The following ADIPOR1 variants were observed in gnomAD, a reference collection of about 807,000 sequenced individuals.
The protein encoded by ADIPOR1 is adiponectin receptor 1, also known as adiponectin receptor protein 1.
Under a neutral mutation model 37.5 loss-of-function variants are expected in ADIPOR1, and 15 were observed. The observed-to-expected ratio is 0.40, with a 90% CI of 0.27 to 0.62. The LOEUF is 0.62. Ranked by LOEUF, ADIPOR1 falls within the 20% of genes least tolerant of loss-of-function variation. The pLI is 0.42. For missense variants in ADIPOR1, 286 were observed against 478.0 expected (o/e 0.60, Z 3.75); for synonymous variants, 173 against 173.2 (o/e 1.00, Z 0.01).
rs760402203 is a variant in ADIPOR1, at chr1:202,946,610, C to T, written c.259G>A (p.Val87Ile). The change falls in exon 4 of 8, where the codon GTC (valine) becomes ATC (isoleucine). Residue 87 changes from valine to isoleucine, a missense_variant and splice_region_variant. By Grantham distance (29) the Val-to-Ile change is conservative (BLOSUM62 3). Transcript: ENST00000340990. ...MEKMEEFVYK[V>I]WEGRWRVIPY... Reference sequence around the variant, plus strand: ...ATGACCCTCCAACGTCCCTCCCAGACCTAGAACATATACACTTTCTCTGGG... The same window carrying T: ...ATGACCCTCCAACGTCCCTCCCAGATCTAGAACATATACACTTTCTCTGGG... The T allele has an allele frequency of 1.9e-5, 31 of 1,613,860 alleles. No individual in the cohort carries two copies. Among genetic ancestry groups the T allele is most frequent in the Non-Finnish European group, 2.6e-5 (31 of 1,179,998 alleles).
intron 2 of ADIPOR1, among the ~76,000 whole-genome samples, chr1:202,950,478 G>T (rs1654527337): frequency 6.6e-6 from 1 of 152,206 alleles, no homozygotes; most frequent in African/African-American, 2.4e-5. Context: ...ATGTGGGTAT[G>T]ATGGGCACAT....
At chr1:202,956,231 T>C (rs1654778311) in intron 1 of ADIPOR1, among the ~76,000 whole-genome samples, 1 of 152,198 alleles carries the variant, frequency 6.6e-6, no homozygotes, top group African/African-American at 2.4e-5. Flanking sequence ...ACAAAGCGTC[T>C]AGATATAAAG....
At chr1:202,952,897 C>G (rs1311088462) in intron 1 of ADIPOR1, among the ~76,000 whole-genome samples, 1 of 152,210 alleles carries the variant, frequency 6.6e-6, no homozygotes, top group African/African-American at 2.4e-5. Context: ...TCATGCTATG[C>G]TCAACCCACA....
intron 1 of ADIPOR1, among the ~76,000 whole-genome samples, chr1:202,957,704 C>A (rs976733900): frequency 6.6e-6 from 1 of 152,198 alleles, no homozygotes; most frequent in African/African-American, 2.4e-5. Flanking sequence ...ACTTGACCTG[C>A]CAAAGATTGT....
At position 202,942,200 on chromosome 1, in the gene ADIPOR1, C is replaced by G. The variant is rs759593783; in HGVS notation, c.824G>C (p.Gly275Ala). 6.2e-7 allele frequency: 1 copy of G among 1,613,948 alleles called. No homozygotes were observed. Among genetic ancestry groups the G allele is most frequent in the Non-Finnish European group, 8.5e-7 (1 of 1,179,940 alleles). ...QTRAGVFLGL[G>A]LSGVVPTMHF... ...CATGGTGGGCACGACGCCACTCAAG[C>G]CAAGTCCCAGGAACACGCCTGAACA... The change falls in exon 7 of 8, where the codon GGC becomes GCC. Residue 275 changes from glycine to alanine, a missense_variant. Gly to Ala is a moderately conservative substitution (Grantham distance 60). Transcript: ENST00000340990.
At chr1:202,954,996 C>G (rs1260437998) in intron 1 of ADIPOR1, among the ~76,000 whole-genome samples, 1 of 152,214 alleles carries the variant, frequency 6.6e-6, no homozygotes, top group African/African-American at 2.4e-5. Flanking sequence ...AAAGCAAGAC[C>G]AGTCTAGCAG....
intron 4 of ADIPOR1, 33 bp from the exon 5 acceptor site, chr1:202,945,202 G>C: frequency 6.5e-7 from 1 of 1,534,288 alleles, no homozygotes; most frequent in South Asian, 1.3e-5. Flanking sequence ...AAACCTGTAA[G>C]AAAAAAGGGA....
At chr1:202,945,856 C>T (rs1054919866) in intron 4 of ADIPOR1, among the ~76,000 whole-genome samples, 10 of 152,074 alleles carry the variant, frequency 6.6e-5, no homozygotes, top group African/African-American at 2.4e-4. Flanking sequence ...ACTATGGAGA[C>T]TTAGAAGCGG....
intron 5 of ADIPOR1, 87 bp from the exon 6 acceptor site, chr1:202,944,032 G>T: frequency 1.6e-6 from 2 of 1,243,714 alleles, no homozygotes; most frequent in Non-Finnish European, 2.2e-6. Context: ...TTCTCCACCT[G>T]CTCCCAGATT....
intron 1 of ADIPOR1, among the ~76,000 whole-genome samples, chr1:202,954,582 A>G (rs1482523570): frequency 1.3e-5 from 2 of 152,140 alleles, no homozygotes; most frequent in Non-Finnish European, 2.9e-5. Context: ...GCCACACCCA[A>G]TACTGCAAAT....
In ADIPOR1 at chr1:202,950,989, C is replaced by T. The variant is rs149582032; in HGVS notation, c.82G>A (p.Ala28Thr). The stretch of plus-strand genomic sequence containing the variant: ...TCTTCTAGCAGGGGTCCCAGTTCAG[C>T]CAGTTCCACCGTGTCAGCTTCCCTG... ...SNREADTVEL[A>T]ELGPLLEEKG... Residue 28 changes from alanine (A) to threonine (T), a missense_variant, in exon 2 of 8, where the codon GCT becomes ACT. Transcript: ENST00000340990. 1 of 1,614,168 alleles carries T rather than the reference C, an allele frequency of 6.2e-7. No individual in the cohort carries two copies. The highest frequency in any genetic ancestry group is 8.5e-7 in the Non-Finnish European group (1 of 1,180,030).
Position 202,942,132 on chromosome 1 carries a change from C to T in ADIPOR1, c.892G>A (p.Gly298Ser). Reference sequence around the variant, plus strand: ...ATGAGGAAGAACCAGCCCATCTGGCCCACTGTGGTGGCCTTGACAAAGCCC... The same window carrying T: ...ATGAGGAAGAACCAGCCCATCTGGCTCACTGTGGTGGCCTTGACAAAGCCC... ...AEGFVKATTV[G>S]QMGWFFLMAV... is the part of the protein sequence containing the mutation. Residue 298 changes from glycine (G) to serine (S), a missense_variant, in exon 7 of 8, where the codon GGC becomes AGC. Coordinates refer to ENST00000340990, the MANE Select transcript of ADIPOR1 (RefSeq NM_015999.6). 3.1e-6 allele frequency: 5 copies of T among 1,614,174 alleles called. No homozygotes were observed. Among genetic ancestry groups the T allele is most frequent in the Non-Finnish European group, 4.2e-6 (5 of 1,180,022 alleles).
chr1:202,943,109 C>T (rs904061415), intron 6 of ADIPOR1, among the ~76,000 whole-genome samples: 27 of 142,844 alleles, frequency 1.9e-4, no homozygotes, highest in African/African-American at 6.3e-4. Context: ...TTCAAGTGAT[C>T]CGCCTGCCTC....
chr1:202,945,609 C>T (rs1385354199), intron 4 of ADIPOR1, among the ~76,000 whole-genome samples: 4 of 152,186 alleles, frequency 2.6e-5, no homozygotes, highest in Non-Finnish European at 1.5e-5. Flanking sequence ...TGGAACCAAC[C>T]TAAGTGTCCA....
intron 1 of ADIPOR1, 59 bp downstream of exon 1, chr1:202,958,126 C>CCGGGGTCCCCG (rs1654856914): frequency 6.6e-6 from 1 of 152,298 alleles, no homozygotes; most frequent in Admixed American, 6.5e-5. Context: ...GTCGGGGCCC[C>CCGGGGTCCCCG]CGGGGTCCCC....
In ADIPOR1 at chr1:202,951,104, T is replaced by A; in HGVS notation, c.-34A>T. On this transcript the variant is annotated 5_prime_UTR_variant, in exon 2 of 8. It adds an upstream start codon to the 5' untranslated region. Coordinates refer to ENST00000340990, the MANE Select transcript of ADIPOR1 (RefSeq NM_015999.6). ...TACCTCAATACCCTGCAGCTTCAGC[T>A]TGGGGAAAGGTTGGGGTCTCTCAGC... 3.1e-6 allele frequency: 5 copies of A among 1,612,754 alleles called. No individual in the cohort carries two copies. Among genetic ancestry groups the A allele is most frequent in the Non-Finnish European group, 4.2e-6 (5 of 1,178,886 alleles).
chr1:202,941,600 G>T lies in ADIPOR1; in HGVS notation c.1101C>A (p.Gly367=). ...AGAGAAGGGTGTCATCAGTACAGCCGCCTTCTAGGCCGTAACGGAATTCCT... is the reference window on the plus strand; with the variant it reads ...AGAGAAGGGTGTCATCAGTACAGCCTCCTTCTAGGCCGTAACGGAATTCCT... ...NLQEFRYGLE[G]GCTDDTLL Residue 367 remains glycine (G), a synonymous_variant, in exon 8 of 8, where the codon GGC becomes GGA. Coordinates refer to ENST00000340990, the MANE Select transcript of ADIPOR1 (RefSeq NM_015999.6). The T allele has an allele frequency of 6.2e-7, 1 of 1,614,016 alleles. No individual in the cohort carries two copies. Among genetic ancestry groups the T allele is most frequent in the Non-Finnish European group, 8.5e-7 (1 of 1,179,996 alleles).
At chr1:202,945,260 C>CAACA in intron 4 of ADIPOR1, 91 bp from the exon 5 acceptor site, 1 of 1,165,108 alleles carries the variant, frequency 8.6e-7, no homozygotes, top group Non-Finnish European at 1.2e-6. Context: ...GAGCTACAGG[C>CAACA]AACATCACTA....
chr1:202,946,723 G>C, intron 3 of ADIPOR1, 113 bp from the exon 4 acceptor site: 1 of 1,102,054 alleles, frequency 9.1e-7, no homozygotes, highest in Non-Finnish European at 1.3e-6. Flanking sequence ...AATGGTCCTA[G>C]GTAATAGTGG....
Sources: gnomAD v4.1 joint callset for allele counts (sites outside exome capture counted in the v4.1 genomes callset) on GRCh38, gnomAD v4.1.1 for gene constraint, MANE v1.5 for transcripts, NCBI Gene and HGNC (gene_info 2026-07-23, HGNC 2026-07-21) for gene names.